Variants in ARMCX4 observed in about 807,000 individuals in gnomAD.
ARMCX4 encodes the protein armadillo repeat containing X-linked 4.
A neutral mutation model predicts 34.7 loss-of-function variants in ARMCX4; 3 were observed. The observed-to-expected ratio is 0.09, with a 90% CI of 0.04 to 0.22. The LOEUF is 0.22. Among genes scored for constraint, ARMCX4 ranks in the 10% least tolerant of loss-of-function variants. The pLI is 1.00. For synonymous variants in ARMCX4, 513 were observed against 632.8 expected (o/e 0.81, Z 2.84); for missense variants, 1,448 against 1,720.8 (o/e 0.84, Z 2.81).
Position 101,490,186 on chromosome X carries a change from A to C in ARMCX4, c.1597A>C (p.Lys533Gln). ...TAGAGGTAAGGCTAGGGGCAAAGCC[A>C]AAGCCAAGTGTAAGACAGGGCCTGG... ...NTRGKARGKA[K>Q]AKCKTGPGMD... Residue 533 changes from lysine to glutamine, a missense_variant, in exon 6 of 6, where the codon AAA becomes CAA. By Grantham distance (53) the Lys-to-Gln change is moderately conservative. Transcript: ENST00000423738. 1 of 1,156,003 alleles carries C rather than the reference A, an allele frequency of 8.7e-7. No individual in the cohort carries two copies. Among genetic ancestry groups the C allele is most frequent in the South Asian group, 1.9e-5 (1 of 52,752 alleles).
Position 101,504,450 on chromosome X carries a change from T to A in ARMCX4, c.*1178-487T>A, listed in dbSNP as rs782011170. Among the ~76,000 whole-genome samples the A allele has an allele frequency of 1.4e-4, 15 of 108,678 alleles. 3 individuals carry two copies. Among genetic ancestry groups the A allele is most frequent in the East Asian group, 1.1e-3 (4 of 3,517 alleles). 94.4% of individuals were successfully genotyped at this position (108,678 alleles called of 115,157 possible). On this transcript the variant is annotated intron_variant and NMD_transcript_variant, in intron 7 of 12. Transcript: ENST00000354842. ...TAATAAGTTTGTGTGTGTGTGTGTG[T>A]GTGAGAGAGAGAAGGAGGGAGAGAT...
At chrX:101,456,571 C>G (rs1345577616) in intron 4 of ARMCX4, among the ~76,000 whole-genome samples, 1 of 110,965 alleles carries the variant, frequency 9.0e-6, no homozygotes, top group Admixed American at 9.7e-5. Context: ...TTATTGTGGG[C>G]TTTTTCAAAC....
rs782618690 is a variant in ARMCX4 at position 101,489,567 on chromosome X, C to G, written c.978C>G (p.Ala326=). The G allele has an allele frequency of 8.2e-5, 94 of 1,153,030 alleles. No homozygotes were observed. Among genetic ancestry groups the G allele is most frequent in the Non-Finnish European group, 1.0e-4 (88 of 872,291 alleles). ...TRASAQPQIF[A]KTQTEAIPGA... ...CTTCTGCTCAGCCTCAAATTTTTGC[C>G]AAAACCCAGACTGAGGCCATTCCTG... Residue 326 remains alanine, a synonymous_variant, in exon 6 of 6, where the codon GCC becomes GCG. Transcript: ENST00000423738.
intron 2 of ARMCX4, among the ~76,000 whole-genome samples, chrX:101,434,522 A>G (rs968254080): frequency 1.8e-5 from 2 of 111,616 alleles, no homozygotes; most frequent in African/African-American, 3.3e-5. Context: ...CTAGAATTAT[A>G]GGCGTGAGCC....
chrX:101,443,214 G>T (rs1931421165), intron 2 of ARMCX4, among the ~76,000 whole-genome samples: 1 of 108,952 alleles, frequency 9.2e-6, no homozygotes, highest in South Asian at 4.0e-4. Flanking sequence ...CATCTTTTAA[G>T]TCATGAGGGC....
chrX:101,488,046 T>G lies in ARMCX4; in HGVS notation c.-200T>G. ...ATGAATTTATGTATCTACTTTAGGG[T>G]GTACTGCCAAGAGAAGCAAGAGGAG... On this transcript the variant is annotated splice_region_variant and 5_prime_UTR_variant, in exon 5 of 6. Coordinates refer to ENST00000423738, the MANE Select transcript of ARMCX4 (RefSeq NM_001256155.3). 1 of 939,447 alleles carries G rather than the reference T, an allele frequency of 1.1e-6. No homozygotes were observed. Among genetic ancestry groups the G allele is most frequent in the Non-Finnish European group, 1.4e-6 (1 of 726,471 alleles). 77.4% of individuals were successfully genotyped at this position (939,447 alleles called of 1,213,427 possible).
At chrX:101,440,787 A>G (rs1931233777) in intron 2 of ARMCX4, among the ~76,000 whole-genome samples, 1 of 111,608 alleles carries the variant, frequency 9.0e-6, no homozygotes, top group African/African-American at 3.3e-5. Flanking sequence ...TGCGGGATAT[A>G]ATCTCCTGGT....
chrX:101,431,548 T>C (rs1474719575), intron 2 of ARMCX4, among the ~76,000 whole-genome samples: 4 of 108,281 alleles, frequency 3.7e-5, no homozygotes, highest in Non-Finnish European at 5.8e-5. Flanking sequence ...ATGCACCACG[T>C]TTCTTTTTTT....
chrX:101,436,945 G>A (rs1313572946), intron 2 of ARMCX4, among the ~76,000 whole-genome samples: 2 of 111,799 alleles, frequency 1.8e-5, no homozygotes, highest in Non-Finnish European at 3.8e-5. Context: ...GCTCGATTAC[G>A]TTTATTGATT....
At chrX:101,433,007 TATA>T (rs1483569293) in intron 2 of ARMCX4, among the ~76,000 whole-genome samples, 2 of 39,093 alleles carry the variant, frequency 5.1e-5, no homozygotes, top group Non-Finnish European at 1.5e-4. Context: ...TATATGTGTA[TATA>T]TACACATATG....
At chrX:101,473,193 G>T (rs1264891225) in intron 4 of ARMCX4, among the ~76,000 whole-genome samples, 13 of 110,407 alleles carry the variant, frequency 1.2e-4, no homozygotes, top group Non-Finnish European at 1.7e-4. Flanking sequence ...AACCAACAAA[G>T]ATCAAAAGAG....
intron 2 of ARMCX4, among the ~76,000 whole-genome samples, chrX:101,432,709 T>C (rs193297303): frequency 6.1e-4 from 65 of 106,131 alleles, no homozygotes; most frequent in South Asian, 1.2e-3. Flanking sequence ...CACATATATA[T>C]GTATACATAT....
chrX:101,488,049 A>G lies in ARMCX4; in HGVS notation c.-197A>G. The G allele has an allele frequency of 2.1e-6, 2 of 942,821 alleles. No homozygotes were observed. Among genetic ancestry groups the G allele is most frequent in the Non-Finnish European group, 2.7e-6 (2 of 729,422 alleles). The allele number at this position is 942,821 out of a possible 1,213,427, so 77.7% of individuals were successfully genotyped here. ...AATTTATGTATCTACTTTAGGGTGT[A>G]CTGCCAAGAGAAGCAAGAGGAGAGG... On this transcript the variant is annotated 5_prime_UTR_variant, in exon 5 of 6. Coordinates refer to ENST00000423738, the MANE Select transcript of ARMCX4 (RefSeq NM_001256155.3).
In ARMCX4 at chrX:101,432,532, T is replaced by G. The variant is rs782780690; in HGVS notation, n.165-11520T>G. Among the ~76,000 whole-genome samples the G allele has an allele frequency of 1.0e-4, 11 of 109,241 alleles. No homozygotes were observed. In the East Asian group the frequency reaches 2.6e-3, roughly 26 times the overall value. The allele number at this position is 109,241 out of a possible 115,157, so 94.9% of individuals were successfully genotyped here. ...AGAAATTAGCCAGGTGTGGTAGTGC[T>G]CGCCTGTAGTCCTAGCTACTCGGGA... is the stretch of plus-strand genomic sequence containing the variant. On this transcript the variant is annotated intron_variant and non_coding_transcript_variant, in intron 2 of 3. Transcript: ENST00000430461.
intron 11 of ARMCX4, among the ~76,000 whole-genome samples, chrX:101,514,516 G>A (rs1214148960): frequency 1.8e-5 from 2 of 112,037 alleles, no homozygotes; most frequent in Admixed American, 9.5e-5. Context: ...CCATGACCAT[G>A]CACCTATTGT....
chrX:101,526,210 C>T (rs1258488382), intron 11 of ARMCX4, among the ~76,000 whole-genome samples: 1 of 111,713 alleles, frequency 9.0e-6, no homozygotes, highest in Non-Finnish European at 1.9e-5. Context: ...TTTTCAACCC[C>T]AAATTTCATA....
chrX:101,513,113 C>T (rs1256126930), intron 11 of ARMCX4, among the ~76,000 whole-genome samples: 1 of 110,470 alleles, frequency 9.1e-6, no homozygotes, highest in Non-Finnish European at 1.9e-5. Context: ...AAGTTTTGCT[C>T]TTAAGGTCTT....
At chrX:101,456,196 G>C (rs782262819) in intron 4 of ARMCX4, among the ~76,000 whole-genome samples, 2 of 111,919 alleles carry the variant, frequency 1.8e-5, no homozygotes, top group African/African-American at 3.3e-5. Context: ...ATGGGGTGCT[G>C]AGTTAAATGG....
rs1227467095 is a variant in ARMCX4 at position 101,490,829 on chromosome X, C to T, written c.2240C>T (p.Ser747Phe). The T allele has an allele frequency of 2.7e-6, 3 of 1,106,688 alleles. No homozygotes were observed. Among genetic ancestry groups the T allele is most frequent in the Non-Finnish European group, 1.2e-6 (1 of 842,197 alleles). 91.2% of individuals were successfully genotyped at this position (1,106,688 alleles called of 1,213,427 possible). A position where few individuals can be genotyped will look rare whatever the true frequency, so the allele number is the denominator to read the frequency against. The change falls in exon 6 of 6, where the codon TCT (serine) becomes TTT (phenylalanine). Residue 747 changes from serine to phenylalanine, a missense_variant. Coordinates refer to ENST00000423738, the MANE Select transcript of ARMCX4 (RefSeq NM_001256155.3). The part of the protein sequence containing the change: ...NSGVGPYTTD[S>F]ARLQAVANSQ... ...GGGGTTGGGCCATATACAACAGACT[C>T]TGCCCGGCTCCAGGCTGTGGCCAAT...
Sources: gnomAD v4.1 joint callset for allele counts (sites outside exome capture counted in the v4.1 genomes callset) on GRCh38, gnomAD v4.1.1 for gene constraint, MANE v1.5 for transcripts, NCBI Gene and HGNC (gene_info 2026-07-23, HGNC 2026-07-21) for gene names.